Variants in RORA observed in about 807,000 individuals in gnomAD.
RORA encodes the protein RAR related orphan receptor A, also known as nuclear receptor ROR-alpha.
A neutral mutation model predicts 69.5 loss-of-function variants in RORA; 7 were observed. That is an observed-to-expected ratio of 0.10 (90% CI 0.06 to 0.19). RORA has a LOEUF of 0.19. Ranked by LOEUF, RORA falls within the 10% of genes least tolerant of loss-of-function variation. The probability of loss-of-function intolerance (pLI) is 1.00; values close to 1 mark genes in which losing one functional copy is unlikely to be tolerated. For synonymous variants in RORA, 261 were observed against 240.8 expected (o/e 1.08, Z -0.78); for missense variants, 457 against 663.0 (o/e 0.69, Z 3.41).
At chr15:61,187,279 T>C (rs1326999316) in intron 1 of RORA, among the ~76,000 whole-genome samples, 1 of 152,246 alleles carries the variant, frequency 6.6e-6, no homozygotes, top group Non-Finnish European at 1.5e-5. Flanking sequence ...GGTTGTGTTG[T>C]TCCCCAACAT....
chr15:61,227,355 C>G (rs897504436), intron 1 of RORA, among the ~76,000 whole-genome samples: 1 of 152,160 alleles, frequency 6.6e-6, no homozygotes, highest in Non-Finnish European at 1.5e-5. Flanking sequence ...TCCCCGCACA[C>G]AAACTCACCG....
At chr15:60,901,464 G>A (rs12898252) in intron 1 of RORA, among the ~76,000 whole-genome samples, 1 of 152,102 alleles carries the variant, frequency 6.6e-6, no homozygotes, top group Non-Finnish European at 1.5e-5. Flanking sequence ...GAGCCACCAC[G>A]CCCGGCGATT....
chr15:61,185,143 A>G (rs1257199324), intron 1 of RORA, among the ~76,000 whole-genome samples: 1 of 152,128 alleles, frequency 6.6e-6, no homozygotes, highest in Non-Finnish European at 1.5e-5. Flanking sequence ...GCTGTTTCGC[A>G]GGTCCTTTTG....
At position 60,511,038 on chromosome 15, in the gene RORA, T is replaced by C. The variant is rs986892211; in HGVS notation, c.820+188A>G. Reference sequence around the variant, plus strand: ...TTTCTAATGCTGAGAGGTCAATGCATGTATTGGATAAACCATGGGAAACAG... The same window carrying C: ...TTTCTAATGCTGAGAGGTCAATGCACGTATTGGATAAACCATGGGAAACAG... On this transcript the variant is annotated intron_variant, in intron 5 of 10. Coordinates refer to ENST00000335670, the MANE Select transcript of RORA (RefSeq NM_134261.3). The surrounding 1 kb of genome is among the most constrained non-coding windows in gnomAD (Gnocchi z 6.4). Among the ~76,000 whole-genome samples the C allele has an allele frequency of 1.3e-5, 2 of 152,176 alleles. No homozygotes were observed. Among genetic ancestry groups the C allele is most frequent in the African/African-American group, 2.4e-5 (1 of 41,438 alleles).
At chr15:61,112,291 G>C (rs1015384716) in intron 1 of RORA, among the ~76,000 whole-genome samples, 5 of 152,142 alleles carry the variant, frequency 3.3e-5, no homozygotes, top group Admixed American at 2.0e-4. Flanking sequence ...GTCATGGACT[G>C]GGGGGCATGG....
At chr15:60,992,666 A>G (rs1894416970) in intron 1 of RORA, among the ~76,000 whole-genome samples, 1 of 143,672 alleles carries the variant, frequency 7.0e-6, no homozygotes, top group African/African-American at 2.5e-5. Flanking sequence ...TCCCACAGTC[A>G]GAGCCTCTGA....
intron 1 of RORA, among the ~76,000 whole-genome samples, chr15:60,717,592 T>C (rs2071236390): frequency 1.3e-5 from 2 of 152,188 alleles, no homozygotes; most frequent in African/African-American, 2.4e-5. Flanking sequence ...TCTTCTGTCA[T>C]CACTCCTAAA....
intron 1 of RORA, among the ~76,000 whole-genome samples, chr15:60,996,071 G>GTTTTTTT (rs35698487): frequency 4.4e-5 from 6 of 135,222 alleles, no homozygotes; most frequent in Non-Finnish European, 8.5e-5. Context: ...CTTGTTTTTT[G>GTTTTTTT]TTTTTTTTTT....
intron 3 of RORA, among the ~76,000 whole-genome samples, chr15:60,517,581 G>T (rs1198203646): frequency 6.6e-6 from 1 of 152,116 alleles, no homozygotes; most frequent in Non-Finnish European, 1.5e-5. Context: ...AATATAAATG[G>T]TCACAGAGGC....
intron 1 of RORA, among the ~76,000 whole-genome samples, chr15:60,755,506 G>A (rs886949639): frequency 8.6e-5 from 13 of 152,028 alleles, no homozygotes; most frequent in Non-Finnish European, 1.3e-4. Flanking sequence ...ACCCAGTAAT[G>A]GGATGGCTGG....
At chr15:60,733,482 C>T (rs1400113847) in intron 1 of RORA, among the ~76,000 whole-genome samples, 1 of 152,192 alleles carries the variant, frequency 6.6e-6, no homozygotes, top group Non-Finnish European at 1.5e-5. Flanking sequence ...GGAAATAACA[C>T]ACTTTGACGT....
intron 1 of RORA, among the ~76,000 whole-genome samples, chr15:60,747,918 T>C (rs2071670542): frequency 6.6e-6 from 1 of 152,218 alleles, no homozygotes; most frequent in South Asian, 2.1e-4. Flanking sequence ...TGTTTTATAA[T>C]TAATATAGAT....
intron 1 of RORA, among the ~76,000 whole-genome samples, chr15:60,850,769 A>G (rs1286454853): frequency 6.6e-6 from 1 of 152,120 alleles, no homozygotes; most frequent in African/African-American, 2.4e-5. Flanking sequence ...CTCCCAGCCC[A>G]CGTCTTCCCT....
chr15:60,833,291 C>T (rs1334625016), intron 1 of RORA, among the ~76,000 whole-genome samples: 1 of 152,078 alleles, frequency 6.6e-6, no homozygotes, highest in East Asian at 1.9e-4. Flanking sequence ...TCTTCACTTA[C>T]TGCAACCTCC....
intron 2 of RORA, among the ~76,000 whole-genome samples, chr15:60,590,175 A>ATCTCTCTC (rs56192812): frequency 0.06 from 8,814 of 146,716 alleles, 289 homozygotes; most frequent in African/African-American, 0.073. Flanking sequence ...CTCTTCCTCT[A>ATCTCTCTC]TCTCTCTCTC....
chr15:60,633,807 C>G (rs1430000782), intron 2 of RORA, among the ~76,000 whole-genome samples: 3 of 152,158 alleles, frequency 2.0e-5, no homozygotes, highest in Non-Finnish European at 2.9e-5. Context: ...AACTGCCCAG[C>G]CCAAATATCA....
chr15:60,988,772 A>G (rs1894285349), intron 1 of RORA, among the ~76,000 whole-genome samples: 1 of 152,182 alleles, frequency 6.6e-6, no homozygotes, highest in Admixed American at 6.5e-5. Context: ...CTAACATCTT[A>G]AAGGGCTGAC....
intron 1 of RORA, among the ~76,000 whole-genome samples, chr15:61,094,667 G>T (rs138241786): frequency 1.3e-5 from 2 of 152,332 alleles, no homozygotes; most frequent in East Asian, 3.9e-4. Flanking sequence ...AGATAGGAAA[G>T]ATCAGGAAGG....
At chr15:60,574,547 C>T (rs974286906) in intron 2 of RORA, among the ~76,000 whole-genome samples, 2 of 152,242 alleles carry the variant, frequency 1.3e-5, no homozygotes, top group Non-Finnish European at 2.9e-5. Context: ...ATTACCCTAA[C>T]TTCAAACTTG....
Sources: gnomAD v4.1 joint callset for allele counts (sites outside exome capture counted in the v4.1 genomes callset) on GRCh38, gnomAD v4.1.1 for gene constraint, Gnocchi (gnomAD v3.1) non-coding constraint, MANE v1.5 for transcripts, NCBI Gene and HGNC (gene_info 2026-07-23, HGNC 2026-07-21) for gene names.